The following EML6 variants were observed in gnomAD, a reference collection of about 807,000 sequenced individuals.
EML6 encodes the protein echinoderm microtubule-associated protein-like 6.
Under a neutral mutation model 240.1 loss-of-function variants are expected in EML6, and 154 were observed. That is an observed-to-expected ratio of 0.64 (90% confidence interval 0.56 to 0.73). The LOEUF (loss-of-function observed/expected upper bound fraction) is 0.73, where lower values mean the gene tolerates loss of function less well. Among genes scored for constraint, EML6 ranks in the 30% least tolerant of loss-of-function variants. The probability of loss-of-function intolerance (pLI) is 0.00; values close to 1 mark genes in which losing one functional copy is unlikely to be tolerated. For missense variants in EML6, 2,964 were observed against 2,474.6 expected (o/e 1.20, Z -4.20); for synonymous variants, 1,148 against 899.0 (o/e 1.28, Z -4.95).
rs759621973 is a variant in EML6, at chr2:54,971,162, T to C, written c.*1067T>C. On this transcript the variant is annotated 3_prime_UTR_variant, in exon 42 of 42. Coordinates refer to ENST00000356458, the MANE Select transcript of EML6 (RefSeq NM_001039753.4). ...GCGAACTATATAGGTCAAGTCCAGA[T>C]TATAAAAAAATTATCTGCAGAACAA... The C allele has an allele frequency of 1.4e-4, 21 of 152,212 alleles. No individual in the cohort carries two copies. Among genetic ancestry groups the C allele is most frequent in the Admixed American group, 2.6e-4 (4 of 15,282 alleles). 9.4% of individuals were successfully genotyped at this position (152,212 alleles called of 1,614,324 possible).
intron 11 of EML6, among the ~76,000 whole-genome samples, chr2:54,854,756 C>G (rs1361062173): frequency 2.0e-5 from 3 of 152,242 alleles, no homozygotes; most frequent in African/African-American, 7.2e-5. Flanking sequence ...TGAAACATCA[C>G]AAAATGACCA....
chr2:54,827,469 A>G (rs1668651042), intron 5 of EML6, 97 bp from the exon 6 acceptor site: 1 of 1,007,788 alleles, frequency 9.9e-7, no homozygotes, highest in Non-Finnish European at 1.5e-6. Context: ...GCTTGGATAG[A>G]GCACATTATG....
At chr2:54,907,988 GA>G (rs1337335216) in intron 24 of EML6, among the ~76,000 whole-genome samples, 10 of 134,954 alleles carry the variant, frequency 7.4e-5, no homozygotes, top group Admixed American at 5.9e-4. Context: ...TAGATAGATA[GA>G]TAGATAGATA....
intron 16 of EML6, among the ~76,000 whole-genome samples, chr2:54,875,018 C>G (rs762118830): frequency 1.3e-5 from 2 of 152,150 alleles, no homozygotes; most frequent in African/African-American, 2.4e-5. Flanking sequence ...AGCCGCTTCC[C>G]TTTGCCGATG....
chr2:54,967,993 G>T lies in EML6; in HGVS notation c.5598-135G>T, dbSNP rs1337355976. ...TCCTAACAGGCCATGGACCAGTACC[G>T]TTCCGTGGCCTGGCTGTTGGGGACC... On this transcript the variant is annotated intron_variant, in intron 39 of 41. Transcript: ENST00000356458. 1.6e-5 allele frequency: 13 copies of T among 808,920 alleles called. No homozygotes were observed. The East Asian group carries it at 3.5e-4, about 22-fold the overall frequency. The allele number at this position is 808,920 out of a possible 1,614,324, so 50.1% of individuals were successfully genotyped here. A position where few individuals can be genotyped will look rare whatever the true frequency, so the allele number is the denominator to read the frequency against.
At chr2:54,752,581 C>T (rs1392241996) in intron 2 of EML6, among the ~76,000 whole-genome samples, 1 of 152,120 alleles carries the variant, frequency 6.6e-6, no homozygotes, top group Non-Finnish European at 1.5e-5. Flanking sequence ...CTGAATTATT[C>T]AACATTTGTC....
At chr2:54,944,630 C>T (rs1675588977) in intron 28 of EML6, among the ~76,000 whole-genome samples, 1 of 152,124 alleles carries the variant, frequency 6.6e-6, no homozygotes, top group Admixed American at 6.5e-5. Flanking sequence ...ACGATATCCC[C>T]ATTTTTTAAA....
At chr2:54,844,306 A>G in intron 8 of EML6, 58 bp downstream of exon 8, 2 of 1,371,540 alleles carry the variant, frequency 1.5e-6, no homozygotes, top group Non-Finnish European at 2.0e-6. Flanking sequence ...ATTTGCCCAA[A>G]TTTGCTTATT....
intron 7 of EML6, 113 bp from the exon 8 acceptor site, chr2:54,843,934 T>C (rs1221121497): frequency 3.9e-6 from 3 of 776,938 alleles, no homozygotes; most frequent in African/African-American, 1.7e-5. Flanking sequence ...TTTGATGGTA[T>C]CCTGGTTAAA....
rs374969726 is a variant in EML6, at chr2:54,895,012, C to T, written c.2840C>T (p.Ser947Leu). The T allele has an allele frequency of 4.0e-4, 621 of 1,550,272 alleles. 1 individual carries two copies. Among genetic ancestry groups the T allele is most frequent in the Admixed American group, 1.2e-3 (60 of 50,992 alleles). Reference protein sequence around the residue: ...KTYAIKRSALSTSSKGLLLED... With the variant: ...KTYAIKRSALLTSSKGLLLED... ...TATGCCATTAAAAGATCAGCATTGT[C>T]GACTAGCTCAAAAGGTGCCACTCCC... Residue 947 changes from serine to leucine, a missense_variant, in exon 20 of 42, where the codon TCG (serine) becomes TTG (leucine). Transcript: ENST00000356458.
At chr2:54,822,734 T>C (rs1214303102) in intron 5 of EML6, among the ~76,000 whole-genome samples, 1 of 152,182 alleles carries the variant, frequency 6.6e-6, no homozygotes, top group Non-Finnish European at 1.5e-5. Context: ...CTTCTCCAAA[T>C]GTTAAGCAGT....
chr2:54,785,716 A>G (rs141063679), intron 2 of EML6, among the ~76,000 whole-genome samples: 317 of 152,264 alleles, frequency 2.1e-3, no homozygotes, highest in African/African-American at 7.2e-3. Flanking sequence ...GTAGCAAATG[A>G]TAAAATAGAC....
At chr2:54,878,345 CAG>C (rs373294130) in intron 16 of EML6, among the ~76,000 whole-genome samples, 86 of 152,234 alleles carry the variant, frequency 5.6e-4, no homozygotes, top group Non-Finnish European at 1.1e-3. Flanking sequence ...CCTTGGTAGT[CAG>C]AGAAGAGCCC....
At chr2:54,818,333 T>C (rs1420265472) in intron 4 of EML6, among the ~76,000 whole-genome samples, 2 of 152,214 alleles carry the variant, frequency 1.3e-5, no homozygotes, top group Non-Finnish European at 2.9e-5. Flanking sequence ...CAAAATCAAC[T>C]GCAACCTAGC....
intron 31 of EML6, among the ~76,000 whole-genome samples, chr2:54,952,972 T>C (rs903777135): frequency 6.6e-6 from 1 of 152,160 alleles, no homozygotes; most frequent in Non-Finnish European, 1.5e-5. Flanking sequence ...AGACCCCAAG[T>C]GTCAAGAACT....
chr2:54,915,367 T>C (rs944020676), intron 25 of EML6, among the ~76,000 whole-genome samples: 17 of 152,140 alleles, frequency 1.1e-4, no homozygotes, highest in African/African-American at 3.6e-4. Flanking sequence ...AGATGGAATC[T>C]AGAATTTGGA....
At chr2:54,819,773 G>GC (rs1553386414) in intron 4 of EML6, among the ~76,000 whole-genome samples, 2 of 123,138 alleles carry the variant, frequency 1.6e-5, no homozygotes, top group Non-Finnish European at 1.6e-5. Context: ...GACTGTCTCA[G>GC]AAAAAAAAAA....
chr2:54,754,410 C>T (rs1166460312), intron 2 of EML6, among the ~76,000 whole-genome samples: 1 of 152,102 alleles, frequency 6.6e-6, no homozygotes, highest in Non-Finnish European at 1.5e-5. Flanking sequence ...ATGGTAATTT[C>T]CTATTATGGC....
At chr2:54,857,823 A>C (rs910649067) in intron 11 of EML6, among the ~76,000 whole-genome samples, 25 of 152,172 alleles carry the variant, frequency 1.6e-4, no homozygotes, top group African/African-American at 6.0e-4. Context: ...TAGCAAAGAG[A>C]CCAATGTACC....
Sources: gnomAD v4.1 joint callset for allele counts (sites outside exome capture counted in the v4.1 genomes callset) on GRCh38, gnomAD v4.1.1 for gene constraint, MANE v1.5 for transcripts, NCBI Gene and HGNC (gene_info 2026-07-23, HGNC 2026-07-21) for gene names.